The following SYNPR variants were observed in gnomAD, a reference collection of about 807,000 sequenced individuals.
The protein encoded by SYNPR is synaptoporin.
A neutral mutation model predicts 32.9 loss-of-function variants in SYNPR; 23 were observed. The ratio of observed to expected loss-of-function variants is 0.70; its 90% CI spans 0.50 to 0.99. The LOEUF is 0.99. Among genes scored for constraint, SYNPR ranks in the 50% least tolerant of loss-of-function variants. The pLI is 0.00. For synonymous variants in SYNPR, 146 were observed against 135.9 expected (o/e 1.07, Z -0.52); for missense variants, 318 against 349.3 (o/e 0.91, Z 0.71).
intron 2 of SYNPR, among the ~76,000 whole-genome samples, chr3:63,369,123 A>G (rs1051310822): frequency 1.3e-5 from 2 of 152,184 alleles, no homozygotes; most frequent in African/African-American, 4.8e-5. Flanking sequence ...AACTTAATCC[A>G]ATATGACTGG....
intron 4 of SYNPR, among the ~76,000 whole-genome samples, chr3:63,565,968 C>T (rs1239839780): frequency 2.0e-5 from 3 of 152,126 alleles, no homozygotes. Context: ...TTCAGCCCAA[C>T]CTAAACATTT....
chr3:63,597,844 T>A (rs1025965353), intron 4 of SYNPR, among the ~76,000 whole-genome samples: 1 of 152,218 alleles, frequency 6.6e-6, no homozygotes, highest in African/African-American at 2.4e-5. Context: ...ATCCCATAAG[T>A]GGATAGAACA....
At chr3:63,245,895 A>G (rs1347375405) in intron 1 of SYNPR, among the ~76,000 whole-genome samples, 1 of 152,028 alleles carries the variant, frequency 6.6e-6, no homozygotes, top group Non-Finnish European at 1.5e-5. Flanking sequence ...TTTGCTCCTG[A>G]TTAAAGCACG....
In SYNPR at chr3:63,538,371, C is replaced by A. The variant is rs145764412; in HGVS notation, c.210-18172C>A. Among the ~76,000 whole-genome samples the A allele has an allele frequency of 3.9e-3, 598 of 151,412 alleles. 1 individual carries two copies. Among genetic ancestry groups the A allele is most frequent in the African/African-American group, 0.014 (557 of 41,254 alleles). On this transcript the variant is annotated intron_variant, in intron 3 of 5. Transcript: ENST00000478300. ...TTGTGAATGGAAGGAGGCCAAAGTG[C>A]TGGGATATAGTGAACATTACACAGC...
intron 2 of SYNPR, among the ~76,000 whole-genome samples, chr3:63,405,442 C>A (rs1289355515): frequency 1.3e-5 from 2 of 152,096 alleles, no homozygotes; most frequent in Non-Finnish European, 2.9e-5. Flanking sequence ...CTTTCCACTC[C>A]TTCAAGGAAG....
chr3:63,592,819 C>T (rs1262995706), intron 4 of SYNPR, among the ~76,000 whole-genome samples: 1 of 152,000 alleles, frequency 6.6e-6, no homozygotes, highest in Admixed American at 6.6e-5. Context: ...CACTGAATTT[C>T]CTGTATCAAG....
At chr3:63,526,345 T>G (rs7617487) in intron 3 of SYNPR, among the ~76,000 whole-genome samples, 38,264 of 152,138 alleles carry the variant, frequency 0.25, 4,972 homozygotes, top group Admixed American at 0.33. Flanking sequence ...GTGCATTATA[T>G]CATTTACATT....
chr3:63,217,823 G>A, the SYNPR span, among the ~76,000 whole-genome samples: 1 of 152,096 alleles, frequency 6.6e-6, no homozygotes, highest in South Asian at 2.1e-4. Context: ...TTTGGGTAGA[G>A]TTCTCCAACT....
At chr3:63,510,522 C>A (rs948162086) in intron 3 of SYNPR, among the ~76,000 whole-genome samples, 1 of 152,104 alleles carries the variant, frequency 6.6e-6, no homozygotes, top group South Asian at 2.1e-4. Context: ...AAGGACATCT[C>A]AGTAGAAAAG....
chr3:63,396,488 G>A (rs1347291430), intron 2 of SYNPR, among the ~76,000 whole-genome samples: 1 of 152,126 alleles, frequency 6.6e-6, no homozygotes, highest in Non-Finnish European at 1.5e-5. Flanking sequence ...AATAGTATTA[G>A]TTCAGGTATC....
chr3:63,247,175 C>T (rs2086298764), intron 1 of SYNPR, among the ~76,000 whole-genome samples: 1 of 151,954 alleles, frequency 6.6e-6, no homozygotes, highest in African/African-American at 2.4e-5. Context: ...AAATTTTCTG[C>T]AACATTTAGA....
intron 2 of SYNPR, among the ~76,000 whole-genome samples, chr3:63,299,040 G>C (rs1194878545): frequency 6.6e-6 from 1 of 152,130 alleles, no homozygotes; most frequent in Non-Finnish European, 1.5e-5. Context: ...TCCTCAAATA[G>C]TTGCTGCATT....
intron 2 of SYNPR, among the ~76,000 whole-genome samples, chr3:63,456,446 G>T (rs1700483654): frequency 6.6e-6 from 1 of 152,100 alleles, no homozygotes; most frequent in South Asian, 2.1e-4. Flanking sequence ...ATGGGAATGG[G>T]ATGGGAGGGG....
At chr3:63,260,751 C>T (rs1001502833) in intron 2 of SYNPR, among the ~76,000 whole-genome samples, 7 of 151,658 alleles carry the variant, frequency 4.6e-5, no homozygotes, top group African/African-American at 1.7e-4. Flanking sequence ...AGCTTCTGCA[C>T]AGCAAAAGAA....
chr3:63,450,997 G>A (rs1334128497), intron 2 of SYNPR, among the ~76,000 whole-genome samples: 2 of 152,130 alleles, frequency 1.3e-5, no homozygotes, highest in South Asian at 2.1e-4. Context: ...GCAAAGAGAG[G>A]AAATAGGTCC....
chr3:63,232,622 A>G (rs1228511911), intron 1 of SYNPR, among the ~76,000 whole-genome samples: 1 of 152,180 alleles, frequency 6.6e-6, no homozygotes, highest in Non-Finnish European at 1.5e-5. Context: ...AATACTATTG[A>G]ATTGATAGGG....
At chr3:63,278,952 G>A (rs373826206) in intron 2 of SYNPR, among the ~76,000 whole-genome samples, 13 of 152,208 alleles carry the variant, frequency 8.5e-5, no homozygotes, top group African/African-American at 2.4e-4. Context: ...GAGTGTGGAC[G>A]CATTTTTGCA....
intron 2 of SYNPR, among the ~76,000 whole-genome samples, chr3:63,374,959 C>A (rs2087868820): frequency 6.6e-6 from 1 of 151,942 alleles, no homozygotes; most frequent in Non-Finnish European, 1.5e-5. Flanking sequence ...GTTTTTGTAC[C>A]AGTACCATGC....
In SYNPR at chr3:63,498,999, C is replaced by T. The variant is rs563482069; in HGVS notation, c.209+18043C>T. 8.7e-5 allele frequency among the ~76,000 whole-genome samples: 13 copies of T among 148,642 alleles called. No individual in the cohort carries two copies. The South Asian group carries it at 2.8e-3, about 32-fold the overall frequency. ...TTAAAAAAAAAAAACTACACAAGTG[C>T]CATGATCTGATTTACATATTTTAAT... On this transcript the variant is annotated intron_variant, in intron 3 of 5. Coordinates refer to ENST00000478300, the MANE Select transcript of SYNPR (RefSeq NM_001130003.2).
Sources: allele counts gnomAD v4.1 joint callset (sites outside exome capture counted in the v4.1 genomes callset), GRCh38; gene constraint gnomAD v4.1.1; transcripts MANE v1.5; gene names NCBI Gene and HGNC (gene_info 2026-07-23, HGNC 2026-07-21).